DNAJB6: variants seen among roughly 807,000 people sequenced by gnomAD.
DNAJB6 encodes the protein dnaJ homolog subfamily B member 6.
A neutral mutation model predicts 42.7 loss-of-function variants in DNAJB6; 16 were observed. The observed-to-expected ratio is 0.37, with a 90% confidence interval of 0.25 to 0.57. The LOEUF is 0.57. DNAJB6 is among the 20% of genes least tolerant of loss of function. The probability of loss-of-function intolerance (pLI) is 0.74; values close to 1 mark genes in which losing one functional copy is unlikely to be tolerated. For synonymous variants in DNAJB6, 170 were observed against 163.5 expected (o/e 1.04, Z -0.30); for missense variants, 347 against 416.8 (o/e 0.83, Z 1.46).
intron 1 of DNAJB6, among the ~76,000 whole-genome samples, chr7:157,340,964 C>CTGTGTGTGTG (rs35976329): frequency 5.5e-5 from 8 of 146,082 alleles, no homozygotes; most frequent in South Asian, 4.4e-4. Context: ...CCGCACCTGG[C>CTGTGTGTGTG]TGTGTGTGTG....
rs6967737 is a variant in DNAJB6 at position 157,350,317 on chromosome 7, C to G, written c.-26-8230C>G. On this transcript the variant is annotated intron_variant, in intron 1 of 9. Transcript: ENST00000262177. ...TGAAGAATTGTAAGGGTATATTTGC[C>G]TAGAGACAGAAAAACTTGCCAAGAT... is the stretch of plus-strand genomic sequence containing the variant. Among the ~76,000 whole-genome samples, 708 of 152,256 alleles carry G rather than the reference C, an allele frequency of 4.7e-3. 5 individuals are homozygous for G. Among genetic ancestry groups the G allele is most frequent in the African/African-American group, 0.016 (670 of 41,532 alleles).
intron 2 of DNAJB6, among the ~76,000 whole-genome samples, chr7:157,360,664 T>G (rs1799538442): frequency 6.6e-6 from 1 of 152,242 alleles, no homozygotes; most frequent in Non-Finnish European, 1.5e-5. Context: ...AAATGCTGAC[T>G]TTTAAAAATG....
chr7:157,397,645 C>T (rs918349086), intron 8 of DNAJB6, among the ~76,000 whole-genome samples: 1 of 152,252 alleles, frequency 6.6e-6, no homozygotes, highest in Admixed American at 6.5e-5. Flanking sequence ...GGCACGTCCC[C>T]GTGCCGTCAG....
chr7:157,381,221 AT>A (rs1167314894), intron 5 of DNAJB6: 32 of 152,136 alleles, frequency 2.1e-4, no homozygotes, highest in African/African-American at 7.2e-4. Context: ...TGTGACTCAA[AT>A]GTATCCACTC....
At chr7:157,357,266 CCTT>C (rs1799341540) in intron 1 of DNAJB6, among the ~76,000 whole-genome samples, 5 of 51,496 alleles carry the variant, frequency 9.7e-5, no homozygotes, top group African/African-American at 3.3e-4. Flanking sequence ...TTCCTTCCGT[CCTT>C]CCTTCCGTCC....
chr7:157,373,936 A>G (rs1324200441), intron 5 of DNAJB6, among the ~76,000 whole-genome samples: 5 of 152,158 alleles, frequency 3.3e-5, no homozygotes, highest in Non-Finnish European at 5.9e-5. Flanking sequence ...AATGCCAGCT[A>G]CTGGGGAGGC....
chr7:157,379,061 TAAAC>T (rs1185004707), intron 5 of DNAJB6: 3 of 152,244 alleles, frequency 2.0e-5, no homozygotes, highest in South Asian at 2.1e-4. Flanking sequence ...AGTAGAGAAA[TAAAC>T]AAGATAAAGA....
chr7:157,383,669 C>T (rs1438024204), intron 6 of DNAJB6, among the ~76,000 whole-genome samples: 1 of 151,462 alleles, frequency 6.6e-6, no homozygotes, highest in Non-Finnish European at 1.5e-5. Flanking sequence ...TTCTCCACTT[C>T]TGAGGTGCCT....
chr7:157,369,651 T>C (rs937045890), intron 5 of DNAJB6, among the ~76,000 whole-genome samples: 1 of 151,640 alleles, frequency 6.6e-6, no homozygotes, highest in Admixed American at 6.6e-5. Context: ...CTTCACATTA[T>C]TATTAAACAG....
chr7:157,393,056 C>CCCTGCCTCCTGGGTTCAAGCGATTCT (rs1801422003), intron 8 of DNAJB6, among the ~76,000 whole-genome samples: 2 of 152,206 alleles, frequency 1.3e-5, no homozygotes, highest in South Asian at 4.2e-4. Context: ...TGACTGCAAC[C>CCCTGCCTCCTGGGTTCAAGCGATTCT]CCTGCCTCCT....
chr7:157,411,176 C>T (rs1204378489), intron 9 of DNAJB6: 1 of 152,172 alleles, frequency 6.6e-6, no homozygotes, highest in Non-Finnish European at 1.5e-5. Flanking sequence ...GGGGAGGCTC[C>T]CCAGGGTCCC....
chr7:157,340,505 C>G (rs928346953), intron 1 of DNAJB6, among the ~76,000 whole-genome samples: 1 of 151,700 alleles, frequency 6.6e-6, no homozygotes, highest in Non-Finnish European at 1.5e-5. Context: ...CAACGCCTAC[C>G]TGCAGAAAAG....
intron 2 of DNAJB6, among the ~76,000 whole-genome samples, chr7:157,360,734 G>A (rs1251977573): frequency 1.3e-5 from 2 of 152,198 alleles, no homozygotes; most frequent in Non-Finnish European, 2.9e-5. Flanking sequence ...TTGGCTTTGT[G>A]TGTTGACAGT....
intron 1 of DNAJB6, among the ~76,000 whole-genome samples, chr7:157,356,308 G>A (rs1292985793): frequency 6.6e-6 from 1 of 152,218 alleles, no homozygotes; most frequent in Non-Finnish European, 1.5e-5. Flanking sequence ...CTCAGCCAAG[G>A]GAATGAGGGA....
intron 5 of DNAJB6, among the ~76,000 whole-genome samples, chr7:157,371,624 G>C (rs1800215791): frequency 6.6e-6 from 1 of 152,264 alleles, no homozygotes; most frequent in African/African-American, 2.4e-5. Context: ...AACTGCTGAG[G>C]CTAGGTGACT....
intron 5 of DNAJB6, among the ~76,000 whole-genome samples, chr7:157,377,917 A>G (rs760900884): frequency 5.3e-5 from 8 of 152,138 alleles, no homozygotes; most frequent in Middle Eastern, 3.2e-3. Flanking sequence ...CCCACAGACA[A>G]CCAACAGTGC....
At chr7:157,407,686 C>G (rs1795822579) in intron 8 of DNAJB6, among the ~76,000 whole-genome samples, 1 of 152,096 alleles carries the variant, frequency 6.6e-6, no homozygotes. Flanking sequence ...CCCCGGGCAG[C>G]CTGCAGATGC....
At chr7:157,363,696 G>A (rs1799716886) in intron 3 of DNAJB6, among the ~76,000 whole-genome samples, 1 of 152,126 alleles carries the variant, frequency 6.6e-6, no homozygotes, top group Admixed American at 6.6e-5. Flanking sequence ...GATGTCATTA[G>A]TTCCCAAAAA....
At chr7:157,339,738 G>A (rs147589606) in intron 1 of DNAJB6, 4,185 of 151,360 alleles carry the variant, frequency 0.028, 157 homozygotes, top group African/African-American at 0.092. Flanking sequence ...CGATTCTCCT[G>A]CCTCAGCCTC....
Sources: gnomAD v4.1 joint callset for allele counts (sites outside exome capture counted in the v4.1 genomes callset) on GRCh38, gnomAD v4.1.1 for gene constraint, MANE v1.5 for transcripts, NCBI Gene and HGNC (gene_info 2026-07-23, HGNC 2026-07-21) for gene names.